The following SASH1 variants were observed in gnomAD, a reference collection of about 807,000 sequenced individuals.
SASH1 encodes the protein SAM and SH3 domain-containing protein 1.
In SASH1, 44 loss-of-function variants were observed where a neutral mutation model predicts 125.2. The ratio of observed to expected loss-of-function variants is 0.35; its 90% CI spans 0.28 to 0.45. The LOEUF (loss-of-function observed/expected upper bound fraction) is 0.45. SASH1 is among the 20% of genes least tolerant of loss of function. SASH1 has a pLI of 1.00. For synonymous variants in SASH1, 639 were observed against 649.1 expected (o/e 0.98, Z 0.24); for missense variants, 1,426 against 1,614.5 (o/e 0.88, Z 2.00).
intron 12 of SASH1, among the ~76,000 whole-genome samples, chr6:148,528,007 AGACTTGTC>A (rs1781296432): frequency 2.0e-5 from 3 of 147,120 alleles, no homozygotes; most frequent in African/African-American, 7.7e-5. Flanking sequence ...GGGTGGCAGT[AGACTTGTC>A]GATCATAGCA....
chr6:148,234,843 A>AG, the SASH1 span, among the ~76,000 whole-genome samples: 2 of 151,466 alleles, frequency 1.3e-5, no homozygotes, highest in East Asian at 3.9e-4. Context: ...AAAAAAAAAA[A>AG]GAAGGAGGAG....
At chr6:148,432,435 G>A (rs757560167) in intron 2 of SASH1, among the ~76,000 whole-genome samples, 3 of 152,192 alleles carry the variant, frequency 2.0e-5, no homozygotes, top group Non-Finnish European at 2.9e-5. Flanking sequence ...TAAAAAAAAC[G>A]TAAATCTGTG....
chr6:148,430,477 G>A (rs1883627), intron 2 of SASH1, among the ~76,000 whole-genome samples: 66,130 of 151,948 alleles, frequency 0.44, 14,665 homozygotes, highest in South Asian at 0.66. Flanking sequence ...GATTATAGGC[G>A]CATGCCACCA....
intron 1 of SASH1, among the ~76,000 whole-genome samples, chr6:148,309,415 C>A (rs1326835752): frequency 6.6e-6 from 1 of 152,152 alleles, no homozygotes; most frequent in African/African-American, 2.4e-5. Flanking sequence ...ACTCTAGGAT[C>A]AGAATCAAGA....
chr6:148,429,328 G>A (rs1775959155), intron 2 of SASH1, among the ~76,000 whole-genome samples: 1 of 143,222 alleles, frequency 7.0e-6, no homozygotes, highest in South Asian at 2.2e-4. Flanking sequence ...CAAGGCTGCA[G>A]TGGACTATGA....
upstream of SASH1, among the ~76,000 whole-genome samples, chr6:148,338,564 T>C (rs1218959965): frequency 6.6e-6 from 1 of 152,202 alleles, no homozygotes; most frequent in Non-Finnish European, 1.5e-5. Flanking sequence ...GGATTTGACC[T>C]AGATCTTTTT....
intron 2 of SASH1, among the ~76,000 whole-genome samples, chr6:148,392,664 T>C (rs2114837771): frequency 6.6e-6 from 1 of 152,344 alleles, no homozygotes; most frequent in South Asian, 2.1e-4. Context: ...AAATATTAAT[T>C]GATTCTCTTT....
intron 19 of SASH1, among the ~76,000 whole-genome samples, chr6:148,546,993 C>T (rs1245030934): frequency 6.6e-6 from 1 of 152,108 alleles, no homozygotes; most frequent in African/African-American, 2.4e-5. Flanking sequence ...AGTACCAAAC[C>T]CTGTATATAT....
At chr6:148,446,319 A>C (rs960492501) in intron 4 of SASH1, among the ~76,000 whole-genome samples, 1 of 151,962 alleles carries the variant, frequency 6.6e-6, no homozygotes, top group African/African-American at 2.4e-5. Flanking sequence ...CGTGTTAGCC[A>C]GGATGGTCTT....
intron 1 of SASH1, among the ~76,000 whole-genome samples, chr6:148,331,643 A>C (rs1196981975): frequency 6.6e-6 from 1 of 152,004 alleles, no homozygotes; most frequent in Non-Finnish European, 1.5e-5. Context: ...CTTGGTCTTT[A>C]CACAGCATCA....
At chr6:148,254,052 A>T in the SASH1 span, among the ~76,000 whole-genome samples, 1 of 151,934 alleles carries the variant, frequency 6.6e-6, no homozygotes, top group Admixed American at 6.6e-5. Flanking sequence ...CTAAAAATAC[A>T]AAAATTAACT....
intron 8 of SASH1, among the ~76,000 whole-genome samples, chr6:148,502,893 C>T (rs1358066605): frequency 2.6e-5 from 4 of 152,220 alleles, no homozygotes; most frequent in African/African-American, 9.6e-5. Context: ...AGAGATGAGT[C>T]TTCCCACATC....
intron 8 of SASH1, among the ~76,000 whole-genome samples, chr6:148,503,051 C>T (rs1462087091): frequency 2.0e-5 from 3 of 152,236 alleles, no homozygotes; most frequent in African/African-American, 7.2e-5. Flanking sequence ...TGGCTTCCTC[C>T]TATTGCTATT....
intron 1 of SASH1, among the ~76,000 whole-genome samples, chr6:148,361,010 G>T (rs1782180621): frequency 6.6e-6 from 1 of 152,172 alleles, no homozygotes; most frequent in Non-Finnish European, 1.5e-5. Flanking sequence ...CACAGACACA[G>T]ATGTGCACGG....
intron 10 of SASH1, among the ~76,000 whole-genome samples, chr6:148,523,653 A>G (rs1583298277): frequency 6.6e-6 from 1 of 152,288 alleles, no homozygotes; most frequent in Admixed American, 6.5e-5. Context: ...GGCCCTCTCC[A>G]GACCCCAATG....
intron 8 of SASH1, among the ~76,000 whole-genome samples, chr6:148,511,118 G>A (rs1233412806): frequency 1.3e-5 from 2 of 152,052 alleles, no homozygotes; most frequent in East Asian, 3.8e-4. Context: ...TAGAAGAAAT[G>A]CAAGCCTTTT....
intron 1 of SASH1, among the ~76,000 whole-genome samples, chr6:148,353,263 G>C (rs1781803921): frequency 1.3e-5 from 2 of 151,524 alleles, no homozygotes; most frequent in African/African-American, 4.8e-5. Context: ...TTCTAGCATT[G>C]GAGGGGTCTC....
the SASH1 span, among the ~76,000 whole-genome samples, chr6:148,220,157 C>T: frequency 6.6e-6 from 1 of 152,154 alleles, no homozygotes; most frequent in Non-Finnish European, 1.5e-5. Context: ...TAGAAATTTA[C>T]TTCTCACAGC....
At chr6:148,253,977 G>T in the SASH1 span, among the ~76,000 whole-genome samples, 2 of 152,204 alleles carry the variant, frequency 1.3e-5, no homozygotes, top group African/African-American at 4.8e-5. Context: ...AGGTCAAGGT[G>T]GGCGGATCAC....
Sources: allele counts gnomAD v4.1 joint callset (sites outside exome capture counted in the v4.1 genomes callset), GRCh38; gene constraint gnomAD v4.1.1; transcripts MANE v1.5; gene names NCBI Gene and HGNC (gene_info 2026-07-23, HGNC 2026-07-21).